The following LRRK1 variants were observed in gnomAD, a reference collection of about 807,000 sequenced individuals.
LRRK1 encodes leucine rich repeat kinase 1.
A neutral mutation model predicts 209.1 loss-of-function variants in LRRK1; 113 were observed. The ratio of observed to expected loss-of-function variants is 0.54; its 90% CI spans 0.46 to 0.63. The LOEUF (loss-of-function observed/expected upper bound fraction) is 0.63. LRRK1 is among the 30% of genes least tolerant of loss of function. The pLI is 0.00. For synonymous variants in LRRK1, 1,144 were observed against 1,099.7 expected (o/e 1.04, Z -0.80); for missense variants, 2,284 against 2,632.2 (o/e 0.87, Z 2.89).
rs199750684 is a variant in LRRK1 at position 101,056,623 on chromosome 15, GTGGATGGA to G, written c.4333-224_4333-217del. ...GGAAGACAAGCAAATGGATGGATGG[GTGGATGGA>G]TGGATGGAAAGAAGGAAGGGTGAGA... On this transcript the variant is annotated intron_variant, in intron 27 of 33. Transcript: ENST00000388948. Among the ~76,000 whole-genome samples, 182 of 152,256 alleles carry G rather than the reference GTGGATGGA, an allele frequency of 1.2e-3. 3 individuals carry two copies. In the East Asian group the frequency reaches 0.025, roughly 21 times the overall value.
At chr15:101,052,226 C>T (rs1045229696) in intron 24 of LRRK1, among the ~76,000 whole-genome samples, 1 of 152,238 alleles carries the variant, frequency 6.6e-6, no homozygotes, top group Non-Finnish European at 1.5e-5. Flanking sequence ...CCCCATACGG[C>T]TCCCCCTTCC....
At chr15:101,007,276 T>C (rs1307147259) in intron 6 of LRRK1, among the ~76,000 whole-genome samples, 5 of 152,214 alleles carry the variant, frequency 3.3e-5, no homozygotes, top group African/African-American at 9.6e-5. Context: ...TTTTTGTTCA[T>C]ATTTCTGCTC....
Position 101,027,478 on chromosome 15 carries a change from T to G in LRRK1, c.2526+97T>G, listed in dbSNP as rs145201709. 1,033 of 1,540,322 alleles carry G rather than the reference T, an allele frequency of 6.7e-4. 1 individual carries two copies. The highest frequency in any genetic ancestry group is 8.7e-4 in the Non-Finnish European group (989 of 1,140,816). On this transcript the variant is annotated intron_variant, in intron 18 of 33. Transcript: ENST00000388948. This position sits in a 1 kb window ranked among gnomAD's most constrained non-coding sequence, Gnocchi z 5.1. The stretch of plus-strand genomic sequence containing the variant: ...CTCTCCTGTGAAGCCCATGTCTGTG[T>G]GGCAAGGCTCGGTGGTTCCTGGTGA...
chr15:101,075,540 C>T lies in LRRK1; in HGVS notation c.*6692C>T, dbSNP rs967518060. 1 of 131,604 alleles carries T rather than the reference C, an allele frequency of 7.6e-6. No individual in the cohort carries two copies. The highest frequency in any genetic ancestry group is 3.6e-5 in the African/African-American group (1 of 27,450). 8.2% of individuals were successfully genotyped at this position (131,604 alleles called of 1,614,324 possible). ...CGCTCAACACCAATATCCCATCCCACAGCATGCTTTGAAAAGACTAAAGCC... is the reference window on the plus strand; with the variant it reads ...CGCTCAACACCAATATCCCATCCCATAGCATGCTTTGAAAAGACTAAAGCC... On this transcript the variant is annotated 3_prime_UTR_variant, in exon 34 of 34. Transcript: ENST00000388948.
At chr15:101,058,296 G>A (rs2035932635) in intron 29 of LRRK1, among the ~76,000 whole-genome samples, 155 bp downstream of exon 29, 1 of 152,126 alleles carries the variant, frequency 6.6e-6, no homozygotes, top group East Asian at 1.9e-4. Context: ...AGAGCAGGGA[G>A]AGCAGAAGAA....
chr15:101,027,140 G>A lies in LRRK1; in HGVS notation c.2406-121G>A, dbSNP rs1239502399. The A allele has an allele frequency of 1.0e-5, 13 of 1,271,512 alleles. No homozygotes were observed. The highest frequency in any genetic ancestry group is 1.9e-4 in the Middle Eastern group (1 of 5,186). The allele number at this position is 1,271,512 out of a possible 1,614,324, so 78.8% of individuals were successfully genotyped here. Reference sequence around the variant, plus strand: ...AAGGCCTCAATAAACTTCTTGTGTTGTCTTTCACGAGTTCTCCAGACTTGC... The same window carrying A: ...AAGGCCTCAATAAACTTCTTGTGTTATCTTTCACGAGTTCTCCAGACTTGC... On this transcript the variant is annotated intron_variant, in intron 17 of 33. Coordinates refer to ENST00000388948, the MANE Select transcript of LRRK1 (RefSeq NM_024652.6). The surrounding 1 kb of genome is among the most constrained non-coding windows in gnomAD (Gnocchi z 5.1).
chr15:101,057,542 A>G lies in LRRK1; in HGVS notation c.4528-448A>G, dbSNP rs535757106. Among the ~76,000 whole-genome samples, 6 of 152,336 alleles carry G rather than the reference A, an allele frequency of 3.9e-5. No homozygotes were observed. The South Asian group carries it at 1.0e-3, about 26-fold the overall frequency. On this transcript the variant is annotated intron_variant, in intron 28 of 33. Transcript: ENST00000388948. ...TTAATGTATGGGGAGTAAACAGGGT[A>G]TTCTTTAGAAGAACGCATGTCCTTA...
At chr15:101,038,968 A>G (rs1321973276) in intron 20 of LRRK1, among the ~76,000 whole-genome samples, 4 of 152,186 alleles carry the variant, frequency 2.6e-5, no homozygotes, top group Admixed American at 2.6e-4. Flanking sequence ...TCACATCTAC[A>G]AAGTCTCTAT....
intron 24 of LRRK1, 74 bp from the exon 25 acceptor site, chr15:101,052,848 G>T: frequency 6.6e-7 from 1 of 1,518,866 alleles, no homozygotes; most frequent in South Asian, 1.2e-5. Flanking sequence ...CGGCCGTTGG[G>T]GCAAATGACC....
intron 12 of LRRK1, among the ~76,000 whole-genome samples, chr15:101,018,172 T>C (rs1351037108): frequency 1.4e-5 from 1 of 73,690 alleles, no homozygotes; most frequent in Non-Finnish European, 2.7e-5. Context: ...TGCTTACAAA[T>C]TGATTTAAAA....
chr15:100,928,256 T>C (rs1025158955), intron 2 of LRRK1, among the ~76,000 whole-genome samples: 4 of 152,248 alleles, frequency 2.6e-5, no homozygotes, highest in African/African-American at 9.6e-5. Flanking sequence ...ACTGGCCTCT[T>C]TGCCTTGAAG....
intron 2 of LRRK1, among the ~76,000 whole-genome samples, chr15:100,950,329 G>A (rs776072765): frequency 1.3e-5 from 2 of 152,176 alleles, no homozygotes; most frequent in Non-Finnish European, 2.9e-5. Flanking sequence ...AAACATTGTG[G>A]AAAGAAGTTA....
intron 3 of LRRK1, 45 bp from the exon 4 acceptor site, chr15:100,983,483 C>G: frequency 6.6e-7 from 1 of 1,519,248 alleles, no homozygotes; most frequent in South Asian, 1.3e-5. Flanking sequence ...CTTGGCAGTT[C>G]CTAATAGAGC....
chr15:100,944,469 C>A (rs1446268565), intron 2 of LRRK1, among the ~76,000 whole-genome samples: 2 of 152,186 alleles, frequency 1.3e-5, no homozygotes, highest in Non-Finnish European at 2.9e-5. Context: ...TTATCTTTTA[C>A]AAGGATGGGT....
At chr15:101,018,591 G>T (rs1277454329) in intron 12 of LRRK1, among the ~76,000 whole-genome samples, 1 of 152,186 alleles carries the variant, frequency 6.6e-6, no homozygotes, top group Non-Finnish European at 1.5e-5. Context: ...AGCACTCAAT[G>T]AGACGCCAGT....
At chr15:100,964,312 G>A (rs150807273) in intron 2 of LRRK1, among the ~76,000 whole-genome samples, 10 of 152,292 alleles carry the variant, frequency 6.6e-5, no homozygotes, top group Non-Finnish European at 8.8e-5. Context: ...GGATTTCACC[G>A]TAATATGACC....
In LRRK1 at chr15:101,058,149, C is replaced by T; in HGVS notation, c.4679+8C>T. 2.5e-6 allele frequency: 4 copies of T among 1,613,832 alleles called. No homozygotes were observed. In the South Asian group the frequency reaches 4.4e-5, roughly 18 times the overall value. On this transcript the variant is annotated splice_region_variant and intron_variant, in intron 29 of 33. Transcript: ENST00000388948. Reference sequence around the variant, plus strand: ...TGGAAAAGAGGAGTCCAGGTAAGCTCCTGCGGGCTGCCCTGCCCCCTTTGT... The same window carrying T: ...TGGAAAAGAGGAGTCCAGGTAAGCTTCTGCGGGCTGCCCTGCCCCCTTTGT...
chr15:100,946,257 C>T (rs2042537476), intron 2 of LRRK1, among the ~76,000 whole-genome samples: 1 of 151,930 alleles, frequency 6.6e-6, no homozygotes, highest in South Asian at 2.1e-4. Flanking sequence ...ATAAATTTTA[C>T]CTAGAGAAAT....
intron 17 of LRRK1, 34 bp downstream of exon 17, chr15:101,026,171 T>C (rs1224408338): frequency 6.2e-7 from 1 of 1,600,394 alleles, no homozygotes; most frequent in East Asian, 2.2e-5. Context: ...TCCTGCCTTC[T>C]TGTGGGTGCC....
Sources: allele counts gnomAD v4.1 joint callset (sites outside exome capture counted in the v4.1 genomes callset), GRCh38; gene constraint gnomAD v4.1.1; non-coding constraint Gnocchi (gnomAD v3.1); transcripts MANE v1.5; gene names NCBI Gene and HGNC (gene_info 2026-07-23, HGNC 2026-07-21).